Variants in CAMKMT observed in about 807,000 individuals in gnomAD.
CAMKMT encodes calmodulin-lysine N-methyltransferase.
Under a neutral mutation model 48.0 loss-of-function variants are expected in CAMKMT, and 53 were observed. The ratio of observed to expected loss-of-function variants is 1.10; its 90% confidence interval spans 0.89 to 1.39. CAMKMT has a LOEUF of 1.39. Ranked by LOEUF, CAMKMT falls within the 40% of genes most tolerant of loss-of-function variation. CAMKMT has a pLI of 0.00. For synonymous variants in CAMKMT, 165 were observed against 152.3 expected (o/e 1.08, Z -0.61); for missense variants, 428 against 402.7 (o/e 1.06, Z -0.54).
intron 3 of CAMKMT, among the ~76,000 whole-genome samples, chr2:44,416,513 T>C (rs1683560825): frequency 6.6e-6 from 1 of 151,920 alleles, no homozygotes; most frequent in Admixed American, 6.6e-5. Flanking sequence ...GTGTTTCATA[T>C]AAATGCATTC....
At chr2:44,615,700 G>A (rs1326640478) in intron 3 of CAMKMT, among the ~76,000 whole-genome samples, 2 of 152,118 alleles carry the variant, frequency 1.3e-5, no homozygotes, top group African/African-American at 4.8e-5. Context: ...TATTTTTAAA[G>A]TATTGTAATG....
chr2:44,461,778 A>G (rs1261897682), intron 3 of CAMKMT, among the ~76,000 whole-genome samples: 1 of 152,232 alleles, frequency 6.6e-6, no homozygotes, highest in Non-Finnish European at 1.5e-5. Context: ...TATATGCCTT[A>G]TATGTACATT....
chr2:44,583,959 T>C (rs1262460845), intron 3 of CAMKMT, among the ~76,000 whole-genome samples: 1 of 152,182 alleles, frequency 6.6e-6, no homozygotes, highest in East Asian at 1.9e-4. Flanking sequence ...CATATACATA[T>C]ATAACTGTAT....
At position 44,565,668 on chromosome 2, in the gene CAMKMT, A is replaced by C. The variant is rs113041540; in HGVS notation, c.377-138615A>C. Among the ~76,000 whole-genome samples, 313 of 152,190 alleles carry C rather than the reference A, an allele frequency of 2.1e-3. 1 individual carries two copies. The Middle Eastern group carries it at 0.027, about 13-fold the overall frequency. On this transcript the variant is annotated intron_variant, in intron 3 of 10. Transcript: ENST00000378494. ...GATCCTACTCAGAGAATCGGATCTA[A>C]GTAACCTGGAGAGTGGTCTGAGTCT...
intron 3 of CAMKMT, among the ~76,000 whole-genome samples, chr2:44,418,442 G>A (rs1683716901): frequency 1.4e-5 from 2 of 143,066 alleles, no homozygotes; most frequent in Admixed American, 1.3e-4. Context: ...TGTTGTTTTT[G>A]TTGTTGTTGT....
chr2:44,583,105 A>G (rs1458886674), intron 3 of CAMKMT, among the ~76,000 whole-genome samples: 2 of 152,198 alleles, frequency 1.3e-5, no homozygotes, highest in African/African-American at 2.4e-5. Flanking sequence ...AGCTCTTCAC[A>G]TCTGACCTAT....
At chr2:44,620,176 A>G (rs1015674484) in intron 3 of CAMKMT, among the ~76,000 whole-genome samples, 11 of 152,240 alleles carry the variant, frequency 7.2e-5, no homozygotes, top group Admixed American at 2.0e-4. Context: ...ATTTATTGTT[A>G]TTCAGAATTA....
intron 3 of CAMKMT, among the ~76,000 whole-genome samples, chr2:44,652,912 T>A (rs1572999971): frequency 6.6e-6 from 1 of 152,230 alleles, no homozygotes; most frequent in East Asian, 1.9e-4. Context: ...CCAGGCCATA[T>A]GCTTCTCCTC....
At chr2:44,371,876 T>C (rs1300106040) in intron 1 of CAMKMT, among the ~76,000 whole-genome samples, 1 of 152,246 alleles carries the variant, frequency 6.6e-6, no homozygotes, top group Non-Finnish European at 1.5e-5. Context: ...TTCTTTATAA[T>C]TTGATTATTT....
rs137882663 is a variant in CAMKMT at position 44,548,496 on chromosome 2, C to A, written c.377-155787C>A. Among the ~76,000 whole-genome samples, 6 of 152,286 alleles carry A rather than the reference C, an allele frequency of 3.9e-5. No individual in the cohort carries two copies. The East Asian group carries it at 1.2e-3, about 29-fold the overall frequency. The stretch of plus-strand genomic sequence containing the variant: ...GATTCCCGGCCCTGCTGTACACACA[C>A]CCTCTCCCAGGTATTTAGCCATACG... On this transcript the variant is annotated intron_variant, in intron 3 of 10. Transcript: ENST00000378494.
rs1067357 is a variant in CAMKMT, at chr2:44,435,925, G to A, written c.376+45620G>A. Among the ~76,000 whole-genome samples, 12 of 152,028 alleles carry A rather than the reference G, an allele frequency of 7.9e-5. 1 individual carries two copies. The East Asian group carries it at 1.2e-3, about 15-fold the overall frequency. On this transcript the variant is annotated intron_variant, in intron 3 of 10. Transcript: ENST00000378494. ...ATTTACTGAATGTCTCCCATAGTAC[G>A]TCATTCATTTTGCCTAGAAATCCTG... is the stretch of plus-strand genomic sequence containing the variant.
intron 3 of CAMKMT, among the ~76,000 whole-genome samples, chr2:44,425,090 A>G (rs1424991012): frequency 6.6e-6 from 1 of 152,232 alleles, no homozygotes. Context: ...AAGTTAAAGA[A>G]TAAAATGTTG....
intron 3 of CAMKMT, among the ~76,000 whole-genome samples, chr2:44,577,656 A>AGAGAGG (rs1454610487): frequency 7.0e-6 from 1 of 141,950 alleles, no homozygotes; most frequent in Non-Finnish European, 1.5e-5. Context: ...GGAGGGGGAG[A>AGAGAGG]GAGAGGGAGA....
At chr2:44,395,991 A>G (rs1285457865) in intron 3 of CAMKMT, among the ~76,000 whole-genome samples, 4 of 152,176 alleles carry the variant, frequency 2.6e-5, no homozygotes, top group African/African-American at 9.6e-5. Context: ...GTGACTTAAC[A>G]TATGATGAAG....
At chr2:44,482,809 A>G (rs953298135) in intron 3 of CAMKMT, among the ~76,000 whole-genome samples, 5 of 152,134 alleles carry the variant, frequency 3.3e-5, no homozygotes, top group African/African-American at 9.7e-5. Context: ...AATTAGTATC[A>G]TAAACACTCC....
chr2:44,374,415 T>A (rs1487402135), intron 2 of CAMKMT, among the ~76,000 whole-genome samples: 1 of 152,180 alleles, frequency 6.6e-6, no homozygotes, highest in African/African-American at 2.4e-5. Context: ...TAGAAGGAAA[T>A]GAAAGACAAG....
chr2:44,534,979 A>G (rs1371858981), intron 3 of CAMKMT, among the ~76,000 whole-genome samples: 4 of 152,066 alleles, frequency 2.6e-5, no homozygotes, highest in Admixed American at 6.5e-5. Context: ...ATAAATGGCT[A>G]TAACCAAAAA....
intron 3 of CAMKMT, among the ~76,000 whole-genome samples, chr2:44,582,544 G>C (rs950955045): frequency 6.6e-6 from 1 of 152,298 alleles, no homozygotes; most frequent in Non-Finnish European, 1.5e-5. Context: ...CACACTCACA[G>C]CACATAGTCC....
chr2:44,575,841 G>C (rs899447622), intron 3 of CAMKMT, among the ~76,000 whole-genome samples: 1 of 151,868 alleles, frequency 6.6e-6, no homozygotes, highest in African/African-American at 2.4e-5. Flanking sequence ...TCTCGGTGAC[G>C]GTGAGACCCT....
Sources: gnomAD v4.1 joint callset for allele counts (sites outside exome capture counted in the v4.1 genomes callset) on GRCh38, gnomAD v4.1.1 for gene constraint, MANE v1.5 for transcripts, NCBI Gene and HGNC (gene_info 2026-07-23, HGNC 2026-07-21) for gene names.